CHSY1: variants seen among roughly 807,000 people sequenced by gnomAD.
CHSY1 encodes the protein N-acetylgalactosaminyl-proteoglycan 3-beta-glucuronosyltransferase 1.
A neutral mutation model predicts 59.8 loss-of-function variants in CHSY1; 13 were observed. The observed-to-expected ratio is 0.22, with a 90% CI of 0.14 to 0.35. CHSY1 has a LOEUF of 0.35. Ranked by LOEUF, CHSY1 falls within the 10% of genes least tolerant of loss-of-function variation. CHSY1 has a pLI of 1.00. For missense variants in CHSY1, 947 were observed against 1,030.6 expected (o/e 0.92, Z 1.11); for synonymous variants, 459 against 401.2 (o/e 1.14, Z -1.72).
chr15:101,222,634 T>G (rs566151736), intron 2 of CHSY1, among the ~76,000 whole-genome samples: 1 of 152,330 alleles, frequency 6.6e-6, no homozygotes, highest in Non-Finnish European at 1.5e-5. Flanking sequence ...TTTCCTTGCT[T>G]TTCCTGACCT....
intron 2 of CHSY1, among the ~76,000 whole-genome samples, chr15:101,231,090 AG>A (rs1232574044): frequency 6.6e-6 from 1 of 151,980 alleles, no homozygotes; most frequent in African/African-American, 2.4e-5. Context: ...GGGGTGGTGG[AG>A]GGGACAGGAG....
At chr15:101,227,618 G>A (rs1309015612) in intron 2 of CHSY1, among the ~76,000 whole-genome samples, 1 of 152,172 alleles carries the variant, frequency 6.6e-6, no homozygotes, top group African/African-American at 2.4e-5. Context: ...GTGTGTGCAT[G>A]TTCAGCAAAG....
chr15:101,180,066 C>T (rs6598434), intron 2 of CHSY1, among the ~76,000 whole-genome samples: 4,090 of 152,280 alleles, frequency 0.027, 158 homozygotes, highest in African/African-American at 0.093. Flanking sequence ...AGGGATGACA[C>T]GCATTCTGGC....
At chr15:101,184,629 C>T (rs549498472) in intron 2 of CHSY1, among the ~76,000 whole-genome samples, 90 of 152,064 alleles carry the variant, frequency 5.9e-4, no homozygotes, top group Middle Eastern at 3.4e-3. Context: ...GGATTACAGA[C>T]GTGAGCCACC....
At chr15:101,234,461 G>C (rs980239320) in intron 2 of CHSY1, among the ~76,000 whole-genome samples, 4 of 152,200 alleles carry the variant, frequency 2.6e-5, no homozygotes, top group African/African-American at 9.7e-5. Flanking sequence ...ATCAGCAGAA[G>C]TCAGACAAGA....
intron 2 of CHSY1, among the ~76,000 whole-genome samples, chr15:101,180,266 A>G (rs57352121): frequency 0.024 from 3,679 of 152,330 alleles, 59 homozygotes; most frequent in East Asian, 0.097. Flanking sequence ...GATGAGGGCT[A>G]ACCTCTACCT....
Position 101,251,375 on chromosome 15 carries a change from G to C in CHSY1, c.82C>G (p.Leu28Val). 5.1e-6 allele frequency: 6 copies of C among 1,166,772 alleles called. No homozygotes were observed. Among genetic ancestry groups the C allele is most frequent in the Middle Eastern group, 3.8e-4 (1 of 2,638 alleles). The allele number at this position is 1,166,772 out of a possible 1,614,324, so 72.3% of individuals were successfully genotyped here. A position where few individuals can be genotyped will look rare whatever the true frequency, so the allele number is the denominator to read the frequency against. The change falls in exon 1 of 3, where the codon CTG becomes GTG. Residue 28 changes from leucine to valine, a missense_variant. Transcript: ENST00000254190. ...LGFVLASRLVLPRASELKRAG... is the reference protein window; with the variant it reads ...LGFVLASRLVVPRASELKRAG... ...CGCTTCAGCTCGGAAGCCCGGGGCA[G>C]GACGAGCCGCGAGGCCAGCACGAAG... is the stretch of plus-strand genomic sequence containing the variant.
At chr15:101,250,455 G>A (rs999401313) in intron 1 of CHSY1, among the ~76,000 whole-genome samples, 1 of 152,200 alleles carries the variant, frequency 6.6e-6, no homozygotes, top group Admixed American at 6.5e-5. Context: ...TGACTCATTT[G>A]GCCAACTAGA....
rs572949675 is a variant in CHSY1, at chr15:101,251,100, G to A, written c.320+37C>T. ...CCGGGATGCCGGCCGCCGGGATGCC[G>A]GACGCAGGAGGCGGTGCCCGGGGAG... is the stretch of plus-strand genomic sequence containing the variant. On this transcript the variant is annotated intron_variant, in intron 1 of 2. Coordinates refer to ENST00000254190, the MANE Select transcript of CHSY1 (RefSeq NM_014918.5). 1.8e-5 allele frequency: 27 copies of A among 1,536,250 alleles called. No homozygotes were observed. In the African/African-American group the frequency reaches 2.3e-4, roughly 13 times the overall value.
chr15:101,182,930 C>T (rs2038299836), intron 2 of CHSY1, among the ~76,000 whole-genome samples: 1 of 152,090 alleles, frequency 6.6e-6, no homozygotes, highest in South Asian at 2.1e-4. Context: ...AAGCAAAACC[C>T]TTGGTGGAAC....
chr15:101,207,226 TAA>T (rs1359315539), intron 2 of CHSY1, among the ~76,000 whole-genome samples: 1 of 152,224 alleles, frequency 6.6e-6, no homozygotes, highest in East Asian at 1.9e-4. Flanking sequence ...AAAATGGGAA[TAA>T]AAGTCTTTTC....
intron 2 of CHSY1, among the ~76,000 whole-genome samples, chr15:101,185,123 G>A (rs987292208): frequency 3.9e-5 from 6 of 152,242 alleles, no homozygotes; most frequent in African/African-American, 9.6e-5. Context: ...AAATGGCTTT[G>A]GTGTAGAGGT....
intron 2 of CHSY1, among the ~76,000 whole-genome samples, chr15:101,229,011 CTGTTAT>C (rs2038868161): frequency 6.6e-6 from 1 of 152,140 alleles, no homozygotes; most frequent in African/African-American, 2.4e-5. Context: ...GTGTTTACTA[CTGTTAT>C]TAAGTTGGTA....
intron 2 of CHSY1, among the ~76,000 whole-genome samples, chr15:101,201,535 C>T (rs778812363): frequency 1.1e-3 from 167 of 152,298 alleles, no homozygotes; most frequent in Non-Finnish European, 1.4e-3. Context: ...ATTGGTGGAG[C>T]GGCAGGGCTG....
intron 1 of CHSY1, among the ~76,000 whole-genome samples, chr15:101,249,399 A>T (rs1400388694): frequency 6.7e-6 from 1 of 149,310 alleles, no homozygotes; most frequent in Non-Finnish European, 1.5e-5. Context: ...AAAAAAAAAA[A>T]TCCCATAAAA....
rs753652939 is a variant in CHSY1 at position 101,251,151 on chromosome 15, G to T, written c.306C>A (p.Ala102=). The T allele has an allele frequency of 1.3e-6, 2 of 1,590,754 alleles. No homozygotes were observed. The highest frequency in any genetic ancestry group is 1.3e-5 in the African/African-American group (1 of 74,404). ...CAGGGGCTCACCTGTAGGCGGCCAC[G>T]GCCCGAGTCTGCAGGTATTTCTGGG... The part of the protein sequence containing the change: ...MTAQKYLQTR[A]VAAYRTWSKT... The change falls in exon 1 of 3, where the codon GCC becomes GCA. Residue 102 remains alanine (A), a synonymous_variant. Transcript: ENST00000254190.
intron 2 of CHSY1, among the ~76,000 whole-genome samples, chr15:101,194,869 T>G (rs1470235076): frequency 2.0e-5 from 3 of 152,212 alleles, no homozygotes; most frequent in Non-Finnish European, 2.9e-5. Flanking sequence ...AATTCTACTT[T>G]CAAGAGTACA....
chr15:101,193,788 A>T (rs749691268), intron 2 of CHSY1, among the ~76,000 whole-genome samples: 57 of 152,188 alleles, frequency 3.7e-4, no homozygotes, highest in Non-Finnish European at 6.2e-4. Flanking sequence ...CACGCTGGGG[A>T]TAGCACCATG....
chr15:101,241,157 G>A (rs1212867013), intron 1 of CHSY1, among the ~76,000 whole-genome samples: 3 of 152,272 alleles, frequency 2.0e-5, no homozygotes, highest in East Asian at 3.9e-4. Context: ...GTGCAACAGC[G>A]TGATTTCACT....
Sources: allele counts gnomAD v4.1 joint callset (sites outside exome capture counted in the v4.1 genomes callset), GRCh38; gene constraint gnomAD v4.1.1; transcripts MANE v1.5; gene names NCBI Gene and HGNC (gene_info 2026-07-23, HGNC 2026-07-21).